Variants in CENPC observed in about 807,000 individuals in gnomAD.
CENPC encodes the protein centromere protein C.
In CENPC, 63 loss-of-function variants were observed where a neutral mutation model predicts 112.1. The observed-to-expected ratio is 0.56, with a 90% CI of 0.46 to 0.69. The LOEUF is 0.69. CENPC is among the 30% of genes least tolerant of loss of function. The pLI is 0.00. For missense variants in CENPC, 1,000 were observed against 1,103.8 expected (o/e 0.91, Z 1.33); for synonymous variants, 333 against 367.6 (o/e 0.91, Z 1.08).
intron 1 of CENPC, 84 bp downstream of exon 1, chr4:67,545,254 A>T: frequency 1.5e-6 from 2 of 1,328,712 alleles, no homozygotes; most frequent in Non-Finnish European, 2.0e-6. Flanking sequence ...GCCTCAGCCT[A>T]GCATTTCCTT....
chr4:67,491,509 A>AGAGAGAGAGAGAGG (rs1725274620), intron 16 of CENPC, among the ~76,000 whole-genome samples: 5 of 137,964 alleles, frequency 3.6e-5, no homozygotes, highest in Non-Finnish European at 6.3e-5. Flanking sequence ...AGAGAGAGAG[A>AGAGAGAGAGAGAGG]GAGAGAGAGA....
At position 67,478,666 on chromosome 4, in the gene CENPC, A is replaced by ACACACACACACACACACC. The variant is rs146500743; in HGVS notation, c.2671-3689_2671-3688insGGTGTGTGTGTGTGTGTG. On this transcript the variant is annotated intron_variant, in intron 17 of 18. Coordinates refer to ENST00000273853, the MANE Select transcript of CENPC (RefSeq NM_001812.4). ...CACACACACACACACACACACACACACCCAAAGTATTCAGGCAACAACTAG... is the reference window on the plus strand; with the variant it reads ...CACACACACACACACACACACACACACACACACACACACACACCCCCAAAGTATTCAGGCAACAACTAG... Among the ~76,000 whole-genome samples, 25 of 76,640 alleles carry ACACACACACACACACACC rather than the reference A, an allele frequency of 3.3e-4. 2 individuals are homozygous for ACACACACACACACACACC. The highest frequency in any genetic ancestry group is 8.8e-4 in the African/African-American group (23 of 26,006). 50.3% of individuals were successfully genotyped at this position (76,640 alleles called of 152,430 possible).
At chr4:67,524,715 G>A (rs1049469842) in intron 5 of CENPC, among the ~76,000 whole-genome samples, 1 of 152,130 alleles carries the variant, frequency 6.6e-6, no homozygotes, top group African/African-American at 2.4e-5. Context: ...CCATGCTCAT[G>A]GATATGAAGA....
At chr4:67,507,172 A>T (rs1367372386) in intron 10 of CENPC, among the ~76,000 whole-genome samples, 1 of 152,174 alleles carries the variant, frequency 6.6e-6, no homozygotes, top group Non-Finnish European at 1.5e-5. Context: ...CCTGCCAAGG[A>T]AGGTGGTGAA....
chr4:67,475,150 A>T (rs1335485986), intron 17 of CENPC, among the ~76,000 whole-genome samples, 172 bp from the exon 18 acceptor site: 1 of 152,206 alleles, frequency 6.6e-6, no homozygotes, highest in African/African-American at 2.4e-5. Flanking sequence ...AGATGGGGAG[A>T]TTATCTTTGA....
chr4:67,472,798 C>T, intron 18 of CENPC, 123 bp from the exon 19 acceptor site: 1 of 1,107,384 alleles, frequency 9.0e-7, no homozygotes. Flanking sequence ...TTCACCTAAC[C>T]TAAAGTAACT....
intron 5 of CENPC, among the ~76,000 whole-genome samples, chr4:67,522,412 C>A (rs1726252857): frequency 6.6e-6 from 1 of 152,180 alleles, no homozygotes; most frequent in African/African-American, 2.4e-5. Context: ...CTTGTTTACA[C>A]ATATTTGACA....
intron 16 of CENPC, among the ~76,000 whole-genome samples, chr4:67,491,923 C>T (rs538144085): frequency 1.6e-4 from 24 of 152,272 alleles, no homozygotes; most frequent in East Asian, 3.9e-4. Flanking sequence ...TTGGGGGAGA[C>T]GACATTCCTG....
Position 67,514,594 on chromosome 4 carries a change from C to G in CENPC, c.924G>C (p.Ser308=). The change falls in exon 8 of 19, where the codon TCG becomes TCC. Residue 308 remains serine, a synonymous_variant. Transcript: ENST00000273853. ...AAGATCTACTGGCAAAACTTTGATC[C>G]GACTCATCAATTATAAATTCATCCT... The part of the protein sequence containing the change: ...LIEDEFIIDE[S]DQSFASRSWI... 3 of 1,608,100 alleles carry G rather than the reference C, an allele frequency of 1.9e-6. No homozygotes were observed. The highest frequency in any genetic ancestry group is 2.5e-6 in the Non-Finnish European group (3 of 1,177,244).
Position 67,481,816 on chromosome 4 carries a change from G to C in CENPC, c.2671-6838C>G, listed in dbSNP as rs1411079155. On this transcript the variant is annotated intron_variant, in intron 17 of 18. Coordinates refer to ENST00000273853, the MANE Select transcript of CENPC (RefSeq NM_001812.4). Reference sequence around the variant, plus strand: ...ATGAAAATTCTAAAAGATAACATCAGAAAAACCCTTCCAGACATTGGCTTA... The same window carrying C: ...ATGAAAATTCTAAAAGATAACATCACAAAAACCCTTCCAGACATTGGCTTA... Among the ~76,000 whole-genome samples the C allele has an allele frequency of 6.6e-5, 10 of 152,252 alleles. No individual in the cohort carries two copies. In the East Asian group the frequency reaches 1.7e-3, roughly 26 times the overall value.
In CENPC at chr4:67,506,810, T is replaced by G; in HGVS notation, c.2029A>C (p.Lys677Gln). 6.2e-7 allele frequency: 1 copy of G among 1,607,086 alleles called. No individual in the cohort carries two copies. Among genetic ancestry groups the G allele is most frequent in the South Asian group, 1.1e-5 (1 of 89,992 alleles). Residue 677 changes from lysine to glutamine, a missense_variant, in exon 11 of 19, where the codon AAG becomes CAG. Coordinates refer to ENST00000273853, the MANE Select transcript of CENPC (RefSeq NM_001812.4). ...TACCTTTCCTCTAAAACTGAAGTCT[T>G]ATGCTCTCCAGAATCCAAGTTTGAC... ...TESNLDSGEH[K>Q]TSVLEESGPS...
At chr4:67,521,833 T>G (rs1296212024) in intron 5 of CENPC, among the ~76,000 whole-genome samples, 1 of 152,218 alleles carries the variant, frequency 6.6e-6, no homozygotes, top group East Asian at 1.9e-4. Context: ...TGGATGAACC[T>G]TGAAGACATT....
At chr4:67,499,797 C>T (rs1381104529) in intron 12 of CENPC, among the ~76,000 whole-genome samples, 1 of 152,170 alleles carries the variant, frequency 6.6e-6, no homozygotes, top group Non-Finnish European at 1.5e-5. Context: ...GACATGCCTT[C>T]CTCACTAAGC....
At chr4:67,533,822 GAGGTCA>G (rs1185303469) in intron 4 of CENPC, among the ~76,000 whole-genome samples, 1 of 152,092 alleles carries the variant, frequency 6.6e-6, no homozygotes, top group East Asian at 1.9e-4. Flanking sequence ...AGTATCACTT[GAGGTCA>G]AGAATTCAAG....
chr4:67,474,506 C>T (rs775313132), intron 18 of CENPC, among the ~76,000 whole-genome samples: 47 of 151,904 alleles, frequency 3.1e-4, no homozygotes, highest in Non-Finnish European at 5.0e-4. Context: ...TGATCTGTTA[C>T]GGCTAACATA....
At chr4:67,539,766 T>C in intron 4 of CENPC, 74 bp downstream of exon 4, 1 of 717,194 alleles carries the variant, frequency 1.4e-6, no homozygotes, top group South Asian at 2.1e-5. Flanking sequence ...ACAACTAAAA[T>C]ATACATGAGT....
At chr4:67,490,837 A>AATATAT (rs57498869) in intron 16 of CENPC, among the ~76,000 whole-genome samples, 114 of 57,034 alleles carry the variant, frequency 2.0e-3, no homozygotes, top group African/African-American at 6.5e-3. Flanking sequence ...TATAGAAATA[A>AATATAT]ATATATATAT....
Position 67,512,523 on chromosome 4 carries a change from C to A in CENPC, c.1491G>T (p.Lys497Asn). 3.2e-6 allele frequency: 5 copies of A among 1,576,346 alleles called. No homozygotes were observed. The highest frequency in any genetic ancestry group is 4.3e-6 in the Non-Finnish European group (5 of 1,162,730). Residue 497 changes from lysine to asparagine, a missense_variant, in exon 9 of 19, where the codon AAG becomes AAT. Coordinates refer to ENST00000273853, the MANE Select transcript of CENPC (RefSeq NM_001812.4). ...STRKDKEESK[K>N]KRFSSESKNK... ...TCTTGGACTCACTGGAAAAGCGCTTCTTTTTAGATTCTTCCTTATCTTTTC... is the reference window on the plus strand; with the variant it reads ...TCTTGGACTCACTGGAAAAGCGCTTATTTTTAGATTCTTCCTTATCTTTTC...
chr4:67,483,617 A>G lies in CENPC; in HGVS notation c.2670+6350T>C, dbSNP rs1725010927. 2.6e-5 allele frequency among the ~76,000 whole-genome samples: 4 copies of G among 152,222 alleles called. No individual in the cohort carries two copies. In the South Asian group the frequency reaches 6.2e-4, roughly 24 times the overall value. On this transcript the variant is annotated intron_variant, in intron 17 of 18. Transcript: ENST00000273853. The stretch of plus-strand genomic sequence containing the variant: ...CTCAGTAAGTATTCCAGAAGAAACC[A>G]ATGTTATTATAGGAGATGACAGCTC...
Sources: gnomAD v4.1 joint callset for allele counts (sites outside exome capture counted in the v4.1 genomes callset) on GRCh38, gnomAD v4.1.1 for gene constraint, MANE v1.5 for transcripts, NCBI Gene and HGNC (gene_info 2026-07-23, HGNC 2026-07-21) for gene names.